The following ORC3 variants were observed in gnomAD, a reference collection of about 807,000 sequenced individuals.
The protein encoded by ORC3 is homolog of latheo, Drosophila.
ORC3 carries 78 observed loss-of-function variants against 100.7 expected under a neutral mutation model. The observed-to-expected ratio is 0.77, with a 90% confidence interval of 0.65 to 0.94. The LOEUF (loss-of-function observed/expected upper bound fraction) is 0.94. Ranked by LOEUF, ORC3 falls within the 40% of genes least tolerant of loss-of-function variation. ORC3 has a pLI of 0.00. For synonymous variants in ORC3, 295 were observed against 289.3 expected, an observed-to-expected ratio of 1.02 and a Z score of -0.20; for missense variants, 789 against 823.9, an observed-to-expected ratio of 0.96 and a Z score of 0.52.
chr6:87,636,095 G>C (rs1001653330), intron 12 of ORC3, among the ~76,000 whole-genome samples: 3 of 151,558 alleles, frequency 2.0e-5, no homozygotes, highest in African/African-American at 7.3e-5. Context: ...CAGATGCCCG[G>C]CTAGTTTTTT....
the ORC3 span, among the ~76,000 whole-genome samples, chr6:87,677,073 G>A: frequency 5.4e-5 from 8 of 147,078 alleles, no homozygotes; most frequent in South Asian, 6.4e-4. Flanking sequence ...GTGAGACTCC[G>A]TCTCAGGAAA....
Position 87,605,962 on chromosome 6 carries a change from A to T in ORC3, c.368A>T (p.Glu123Val), listed in dbSNP as rs1387227000. 1.9e-6 allele frequency: 3 copies of T among 1,610,824 alleles called. No individual in the cohort carries two copies. The African/African-American group carries it at 4.0e-5, about 22-fold the overall frequency. ...GATTTGACATTCGGAAGTCTAACAG[A>T]GGCCCTTCAGAATAATGTCACACCA... ...DHDLTFGSLTEALQNNVTPYV... is the reference protein window; with the variant it reads ...DHDLTFGSLTVALQNNVTPYV... Residue 123 changes from glutamate to valine, a missense_variant, in exon 5 of 20, where the codon GAG becomes GTG. Transcript: ENST00000392844.
downstream of ORC3, among the ~76,000 whole-genome samples, chr6:87,672,123 A>C (rs1770846751): frequency 6.6e-6 from 1 of 152,158 alleles, no homozygotes; most frequent in Non-Finnish European, 1.5e-5. Flanking sequence ...GAAAAATCTG[A>C]AATAAGGACT....
chr6:87,669,576 A>C (rs796642461), downstream of ORC3, among the ~76,000 whole-genome samples: 16 of 152,380 alleles, frequency 1.1e-4, no homozygotes, highest in African/African-American at 3.8e-4. Flanking sequence ...TCTTTGAGTG[A>C]GGGTGTGGAA....
intron 7 of ORC3, 30 bp from the exon 8 acceptor site, chr6:87,612,059 T>A (rs1293327448): frequency 6.3e-7 from 1 of 1,596,296 alleles, no homozygotes; most frequent in African/African-American, 1.3e-5. Flanking sequence ...CTAAATAAAT[T>A]TCACTTTTGT....
In ORC3 at chr6:87,657,901, C is replaced by T. The variant is rs541361240; in HGVS notation, c.1594-20C>T. On this transcript the variant is annotated intron_variant, in intron 15 of 19. Coordinates refer to ENST00000392844, the MANE Select transcript of ORC3 (RefSeq NM_012381.4). ...TTCTGTCTGAGGATCACCAGAAAAG[C>T]TATGTTCTTTTATCTATAGTCCTTA... 8.9e-6 allele frequency: 12 copies of T among 1,341,606 alleles called. No homozygotes were observed. The highest frequency in any genetic ancestry group is 1.8e-4 in the Middle Eastern group (1 of 5,530). 83.1% of individuals were successfully genotyped at this position (1,341,606 alleles called of 1,614,324 possible). A position where few individuals can be genotyped will look rare whatever the true frequency, so the allele number is the denominator to read the frequency against.
rs908994404 is a variant in ORC3 at position 87,609,497 on chromosome 6, T to C, written c.713+268T>C. Reference sequence around the variant, plus strand: ...TGGTTTTTCTCACCAAGATTGACTGTCTCTTACTCACCCATTAAATAGATA... The same window carrying C: ...TGGTTTTTCTCACCAAGATTGACTGCCTCTTACTCACCCATTAAATAGATA... On this transcript the variant is annotated intron_variant, in intron 7 of 19. Transcript: ENST00000392844. 6 of 278,460 alleles carry C rather than the reference T, an allele frequency of 2.2e-5. No individual in the cohort carries two copies. The East Asian group carries it at 3.5e-4, about 16-fold the overall frequency. The allele number at this position is 278,460 out of a possible 1,614,324, so 17.2% of individuals were successfully genotyped here. A position where few individuals can be genotyped will look rare whatever the true frequency, so the allele number is the denominator to read the frequency against.
rs538013768 is a variant in ORC3, at chr6:87,602,772, C to A, written c.178-612C>A. On this transcript the variant is annotated intron_variant, in intron 3 of 19. Transcript: ENST00000392844. The stretch of plus-strand genomic sequence containing the variant: ...AAGGCAAATGCAGCCCAATTCCAGG[C>A]AACCCCTCCAGCCCTGTTGCCAGAT... Among the ~76,000 whole-genome samples the A allele has an allele frequency of 3.3e-5, 5 of 151,602 alleles. No homozygotes were observed. In the East Asian group the frequency reaches 9.7e-4, roughly 29 times the overall value.
intron 5 of ORC3, among the ~76,000 whole-genome samples, chr6:87,607,303 G>A (rs932632337): frequency 2.6e-5 from 4 of 151,902 alleles, no homozygotes; most frequent in South Asian, 2.1e-4. Context: ...GGTGGCACGC[G>A]CCTGTAATCC....
At chr6:87,606,325 G>A (rs1419001585) in intron 5 of ORC3, among the ~76,000 whole-genome samples, 1 of 152,098 alleles carries the variant, frequency 6.6e-6, no homozygotes, top group East Asian at 1.9e-4. Flanking sequence ...AAAGACTTAG[G>A]ACAGAAAGCT....
chr6:87,596,821 A>G (rs1167305188), intron 2 of ORC3, among the ~76,000 whole-genome samples: 1 of 152,214 alleles, frequency 6.6e-6, no homozygotes, highest in East Asian at 1.9e-4. Context: ...GCTTCACATT[A>G]GAATCATTTG....
chr6:87,617,175 T>A (rs1157360017), intron 9 of ORC3, among the ~76,000 whole-genome samples: 2 of 152,138 alleles, frequency 1.3e-5, no homozygotes, highest in African/African-American at 2.4e-5. Context: ...CCTTTAAAGA[T>A]ATAAAAAAGG....
At position 87,667,278 on chromosome 6, in the gene ORC3, A is replaced by C; in HGVS notation, c.*155A>C. 1 of 533,094 alleles carries C rather than the reference A, an allele frequency of 1.9e-6. No homozygotes were observed. Among genetic ancestry groups the C allele is most frequent in the Non-Finnish European group, 3.3e-6 (1 of 303,872 alleles). The allele number at this position is 533,094 out of a possible 1,614,324, so 33.0% of individuals were successfully genotyped here. On this transcript the variant is annotated 3_prime_UTR_variant, in exon 20 of 20. Coordinates refer to ENST00000392844, the MANE Select transcript of ORC3 (RefSeq NM_012381.4). ...CAGAAAAGTACATTGCTAACCCCAA[A>C]CAGGCATGTATCAAAACACCTGTGG...
intron 13 of ORC3, among the ~76,000 whole-genome samples, chr6:87,637,114 A>T (rs937606069): frequency 1.3e-5 from 2 of 152,206 alleles, no homozygotes; most frequent in African/African-American, 4.8e-5. Context: ...TTGGATAGTT[A>T]TAAGGGGAAA....
the ORC3 span, among the ~76,000 whole-genome samples, chr6:87,674,448 T>A: frequency 6.6e-6 from 1 of 151,718 alleles, no homozygotes; most frequent in Non-Finnish European, 1.5e-5. Context: ...TACTTCATTA[T>A]AAGAAAGCTA....
At chr6:87,607,930 C>T in intron 6 of ORC3, 106 bp downstream of exon 6, 1 of 668,950 alleles carries the variant, frequency 1.5e-6, no homozygotes, top group Non-Finnish European at 2.4e-6. Flanking sequence ...TATGTTTCTG[C>T]AGCACTAGGT....
At chr6:87,611,647 T>C (rs1260880183) in intron 7 of ORC3, among the ~76,000 whole-genome samples, 1 of 151,876 alleles carries the variant, frequency 6.6e-6, no homozygotes, top group African/African-American at 2.4e-5. Flanking sequence ...TTAGGCATGG[T>C]GGCACGCACA....
At chr6:87,636,113 TATTA>T (rs1270915229) in intron 12 of ORC3, among the ~76,000 whole-genome samples, 1 of 151,902 alleles carries the variant, frequency 6.6e-6, no homozygotes, top group Non-Finnish European at 1.5e-5. Context: ...TTTGTATTTT[TATTA>T]GAGACGGGGT....
chr6:87,649,430 T>C (rs565033384), intron 13 of ORC3, among the ~76,000 whole-genome samples: 2 of 152,314 alleles, frequency 1.3e-5, no homozygotes, highest in Admixed American at 1.3e-4. Flanking sequence ...TTATTCCAGA[T>C]ACATTTCAGA....
Sources: gnomAD v4.1 joint callset for allele counts (sites outside exome capture counted in the v4.1 genomes callset) on GRCh38, gnomAD v4.1.1 for gene constraint, MANE v1.5 for transcripts, NCBI Gene and HGNC (gene_info 2026-07-23, HGNC 2026-07-21) for gene names.